Variants in NEK5 observed in about 807,000 individuals in gnomAD.
The protein encoded by NEK5 is serine/threonine-protein kinase Nek5.
NEK5 carries 88 observed loss-of-function variants against 109.2 expected under a neutral mutation model. The observed-to-expected ratio is 0.81, with a 90% CI of 0.68 to 0.96. NEK5 has a LOEUF of 0.96. NEK5 is among the 40% of genes least tolerant of loss of function. The pLI, the probability that NEK5 is intolerant of heterozygous loss-of-function variation, is 0.00. For synonymous variants in NEK5, 283 were observed against 299.9 expected, an observed-to-expected ratio of 0.94 and a Z score of 0.58; for missense variants, 834 against 920.7, an observed-to-expected ratio of 0.91 and a Z score of 1.22.
At chr13:52,041,728 C>CAAAAAAAAAAAA (rs60216367) in intron 23 of NEK5, among the ~76,000 whole-genome samples, 1 of 48,118 alleles carries the variant, frequency 2.1e-5, no homozygotes, top group African/African-American at 9.6e-5. Flanking sequence ...AACTCTGTCT[C>CAAAAAAAAAAAA]AAAAAAAAAA....
At chr13:52,094,928 T>C (rs905602918) in intron 12 of NEK5, among the ~76,000 whole-genome samples, 4 of 152,202 alleles carry the variant, frequency 2.6e-5, no homozygotes, top group South Asian at 2.1e-4. Flanking sequence ...CTTTTCTTTT[T>C]AAATTCTGAG....
chr13:52,127,668 A>C lies in NEK5; in HGVS notation c.-90-6T>G. On this transcript the variant is annotated splice_region_variant and splice_polypyrimidine_tract_variant and intron_variant, in intron 1 of 23. Transcript: ENST00000684899. The stretch of plus-strand genomic sequence containing the variant: ...TTCTTTGTGGCCACAGATAACTGAA[A>C]TGAGACAGAGTTTCTTGGTCAGACA... 1 of 542,096 alleles carries C rather than the reference A, an allele frequency of 1.8e-6. No homozygotes were observed. Among genetic ancestry groups the C allele is most frequent in the East Asian group, 3.1e-5 (1 of 32,370 alleles). 33.6% of individuals were successfully genotyped at this position (542,096 alleles called of 1,614,324 possible).
chr13:52,037,516 C>G (rs982295276), intron 23 of NEK5, among the ~76,000 whole-genome samples: 1 of 152,110 alleles, frequency 6.6e-6, no homozygotes, highest in Non-Finnish European at 1.5e-5. Flanking sequence ...CGAGCTCTTA[C>G]TATATGTCCA....
At chr13:52,074,567 C>T (rs1199981737) in intron 19 of NEK5, among the ~76,000 whole-genome samples, 2 of 152,000 alleles carry the variant, frequency 1.3e-5, no homozygotes, top group Non-Finnish European at 2.9e-5. Context: ...TGAACATGGG[C>T]CTTGGGAAAG....
chr13:52,123,038 T>C (rs969577741), intron 3 of NEK5, among the ~76,000 whole-genome samples: 2 of 152,160 alleles, frequency 1.3e-5, no homozygotes, highest in Non-Finnish European at 2.9e-5. Flanking sequence ...TTGATAATGG[T>C]AGGATGATAA....
chr13:52,061,884 G>T lies in NEK5; in HGVS notation c.2045C>A (p.Thr682Asn), dbSNP rs1954616772. Residue 682 changes from threonine to asparagine, a missense_variant, in exon 22 of 24, where the codon ACT becomes AAT. Around this residue, in one of 2 missense-constraint regions of NEK5, gnomAD observed 777 missense variants for 824.7 expected, o/e 0.94. Coordinates refer to ENST00000684899, the MANE Select transcript of NEK5 (RefSeq NM_001365552.1). Reference protein sequence around the residue: ...RKQWRHEAPGTLMSVLAAAHL... With the variant: ...RKQWRHEAPGNLMSVLAAAHL... ...TGCTGCTGCCAAAACACTCATTAAA[G>T]TTCCTGGAGCTTCATGCCGCCACTG... 1 of 985,472 alleles carries T rather than the reference G, an allele frequency of 1.0e-6. No individual in the cohort carries two copies. The highest frequency in any genetic ancestry group is 1.7e-5 in the African/African-American group (1 of 57,372). The allele number at this position is 985,472 out of a possible 1,614,324, so 61.0% of individuals were successfully genotyped here.
At chr13:52,066,761 G>A (rs969048417) in intron 20 of NEK5, among the ~76,000 whole-genome samples, 7 of 150,096 alleles carry the variant, frequency 4.7e-5, no homozygotes, top group Non-Finnish European at 8.9e-5. Flanking sequence ...CCGAGATCAC[G>A]CCTTTGCACT....
chr13:52,101,823 A>AT, intron 11 of NEK5, 110 bp downstream of exon 11: 1 of 916,842 alleles, frequency 1.1e-6, no homozygotes, highest in Middle Eastern at 2.8e-4. Flanking sequence ...TACTGCTTGT[A>AT]TTTTTTAAAA....
At chr13:52,103,125 T>C (rs1402943791) in intron 9 of NEK5, among the ~76,000 whole-genome samples, 1 of 152,174 alleles carries the variant, frequency 6.6e-6, no homozygotes, top group Non-Finnish European at 1.5e-5. Flanking sequence ...AACTCCATGG[T>C]GTAGCAATAA....
intron 3 of NEK5, among the ~76,000 whole-genome samples, chr13:52,126,920 G>A (rs556107397): frequency 1.3e-5 from 2 of 152,334 alleles, no homozygotes; most frequent in African/African-American, 4.8e-5. Flanking sequence ...AATAAGGAGA[G>A]AGGAAGTGCA....
At chr13:52,040,419 C>A (rs1278748454) in intron 23 of NEK5, among the ~76,000 whole-genome samples, 2 of 151,980 alleles carry the variant, frequency 1.3e-5, no homozygotes, top group Admixed American at 1.3e-4. Context: ...TTCCTAGCCT[C>A]TAGAACTAGA....
At position 52,059,803 on chromosome 13, in the gene NEK5, G is replaced by A. The variant is rs573387700; in HGVS notation, c.2110+2016C>T. ...GGAACATCACACTCTGGGGCCTGTTGTGGGGTGGGGGGACGGGGGAGGGAT... is the reference window on the plus strand; with the variant it reads ...GGAACATCACACTCTGGGGCCTGTTATGGGGTGGGGGGACGGGGGAGGGAT... On this transcript the variant is annotated intron_variant, in intron 22 of 23. Transcript: ENST00000684899. Among the ~76,000 whole-genome samples the A allele has an allele frequency of 4.0e-5, 6 of 151,356 alleles. No individual in the cohort carries two copies. The East Asian group carries it at 9.8e-4, about 25-fold the overall frequency.
At chr13:52,078,472 T>A (rs1047296437) in intron 17 of NEK5, among the ~76,000 whole-genome samples, 4 of 152,188 alleles carry the variant, frequency 2.6e-5, no homozygotes, top group Admixed American at 1.3e-4. Flanking sequence ...TTGCAGGTGA[T>A]GGATATGTTC....
intron 17 of NEK5, among the ~76,000 whole-genome samples, chr13:52,080,926 G>C (rs934554396): frequency 7.0e-6 from 1 of 143,868 alleles, no homozygotes; most frequent in Non-Finnish European, 1.5e-5. Context: ...TGGTAAAGGC[G>C]ATGTTATATG....
intron 17 of NEK5, 59 bp from the exon 18 acceptor site, chr13:52,076,202 G>T: frequency 1.1e-6 from 1 of 877,702 alleles, no homozygotes; most frequent in Non-Finnish European, 1.8e-6. Context: ...GTTGATTTCT[G>T]CGTTAAATCT....
chr13:52,038,660 C>T (rs371768130), intron 23 of NEK5, among the ~76,000 whole-genome samples: 3 of 151,718 alleles, frequency 2.0e-5, no homozygotes, highest in African/African-American at 7.3e-5. Context: ...TGGTCATAAA[C>T]TACTGTGTTC....
chr13:52,088,045 A>C (rs888295915), intron 14 of NEK5, among the ~76,000 whole-genome samples: 1 of 151,490 alleles, frequency 6.6e-6, no homozygotes, highest in Non-Finnish European at 1.5e-5. Context: ...CTCCGGCCTC[A>C]GCCCCCTCAG....
intron 4 of NEK5, among the ~76,000 whole-genome samples, chr13:52,116,442 C>G (rs371962108): frequency 6.6e-6 from 1 of 152,282 alleles, no homozygotes; most frequent in African/African-American, 2.4e-5. Flanking sequence ...GCGAGAGGAT[C>G]ACTTGAGGCC....
chr13:52,076,000 A>C (rs1208658504), intron 18 of NEK5, 63 bp downstream of exon 18: 3 of 1,094,392 alleles, frequency 2.7e-6, no homozygotes, highest in African/African-American at 3.2e-5. Flanking sequence ...GGCAACCGAG[A>C]TCACAAGGTG....
Sources: gnomAD v4.1 joint callset for allele counts (sites outside exome capture counted in the v4.1 genomes callset) on GRCh38, gnomAD v4.1.1 for gene constraint, gnomAD v4.1.1 regional missense constraint, MANE v1.5 for transcripts, NCBI Gene and HGNC (gene_info 2026-07-23, HGNC 2026-07-21) for gene names.